Variants in SGPL1 observed in about 807,000 individuals in gnomAD.
The protein encoded by SGPL1 is sphingosine-1-phosphate lyase 1.
In SGPL1, 37 loss-of-function variants were observed where a neutral mutation model predicts 68.9. The ratio of observed to expected loss-of-function variants is 0.54; its 90% CI spans 0.41 to 0.71. The LOEUF (loss-of-function observed/expected upper bound fraction) is 0.71, where lower values mean the gene tolerates loss of function less well. Ranked by LOEUF, SGPL1 falls within the 30% of genes least tolerant of loss-of-function variation. SGPL1 has a pLI of 0.00. For missense variants in SGPL1, 551 were observed against 704.6 expected (o/e 0.78, Z 2.47); for synonymous variants, 236 against 248.5 (o/e 0.95, Z 0.47).
intron 2 of SGPL1, among the ~76,000 whole-genome samples, chr10:70,832,115 C>A (rs1845550545): frequency 6.6e-6 from 1 of 152,168 alleles, no homozygotes; most frequent in Non-Finnish European, 1.5e-5. Flanking sequence ...TGCTCACTTT[C>A]AATAGATACC....
At chr10:70,843,106 C>T (rs1388206460) in intron 2 of SGPL1, among the ~76,000 whole-genome samples, 2 of 152,170 alleles carry the variant, frequency 1.3e-5, no homozygotes, top group African/African-American at 4.8e-5. Flanking sequence ...TTTCTTTCAT[C>T]CTTTTAACCA....
In SGPL1 at chr10:70,868,357, G is replaced by T; in HGVS notation, c.628G>T (p.Gly210Ter). The change falls in exon 8 of 15, where the codon GGA becomes TGA. Residue 210 changes from glycine to a stop codon, truncating the protein, a stop_gained. Coordinates refer to ENST00000373202, the MANE Select transcript of SGPL1 (RefSeq NM_003901.4). LOFTEE classifies it high-confidence loss of function. ...PDSCGCVTSG[G>*]TESILMACKA... The stretch of plus-strand genomic sequence containing the variant: ...TTCTTTATTATAGGTGACTTCTGGG[G>T]GAACAGAAAGCATACTGATGGCCTG... 1 of 1,611,542 alleles carries T rather than the reference G, an allele frequency of 6.2e-7. No individual in the cohort carries two copies. Among genetic ancestry groups the T allele is most frequent in the Non-Finnish European group, 8.5e-7 (1 of 1,178,736 alleles).
At chr10:70,835,523 G>GT (rs377561702) in intron 2 of SGPL1, among the ~76,000 whole-genome samples, 10,593 of 151,946 alleles carry the variant, frequency 0.07, 485 homozygotes, top group African/African-American at 0.1. Flanking sequence ...GGATCACGAG[G>GT]CAGGAGATCG....
intron 2 of SGPL1, among the ~76,000 whole-genome samples, chr10:70,844,251 A>G (rs909623862): frequency 4.6e-5 from 7 of 152,172 alleles, no homozygotes; most frequent in Non-Finnish European, 1.0e-4. Context: ...CAAGATTGAA[A>G]ATAGTCTCAA....
intron 2 of SGPL1, among the ~76,000 whole-genome samples, chr10:70,825,892 A>C (rs2131852946): frequency 6.6e-6 from 1 of 152,350 alleles, no homozygotes; most frequent in African/African-American, 2.4e-5. Flanking sequence ...TTTCTTTAAG[A>C]GAAAACTGGC....
chr10:70,837,137 G>C (rs1181854015), intron 2 of SGPL1, among the ~76,000 whole-genome samples: 1 of 151,562 alleles, frequency 6.6e-6, no homozygotes, highest in South Asian at 2.1e-4. Context: ...GAGTACAGTG[G>C]TACGATCTTG....
intron 2 of SGPL1, among the ~76,000 whole-genome samples, chr10:70,843,491 A>T (rs1268802715): frequency 1.3e-5 from 2 of 152,242 alleles, no homozygotes; most frequent in African/African-American, 4.8e-5. Flanking sequence ...GTCTGTCTTC[A>T]AGAACTTAAC....
rs1292430846 is a variant in SGPL1, at chr10:70,876,531, T to C, written c.1446-10T>C. 1 of 1,606,930 alleles carries C rather than the reference T, an allele frequency of 6.2e-7. No homozygotes were observed. The highest frequency in any genetic ancestry group is 8.5e-7 in the Non-Finnish European group (1 of 1,177,796). ...TCAAGGTTCATCTCTCTCTGTCTCTTCTTTCCTAGTATTCATTTCTGCATC... is the reference window on the plus strand; with the variant it reads ...TCAAGGTTCATCTCTCTCTGTCTCTCCTTTCCTAGTATTCATTTCTGCATC... On this transcript the variant is annotated splice_polypyrimidine_tract_variant and intron_variant, in intron 13 of 14. Coordinates refer to ENST00000373202, the MANE Select transcript of SGPL1 (RefSeq NM_003901.4).
intron 6 of SGPL1, 74 bp from the exon 7 acceptor site, chr10:70,859,294 CTGT>C (rs1052610971): frequency 1.8e-6 from 2 of 1,106,998 alleles, no homozygotes; most frequent in African/African-American, 3.3e-5. Context: ...TACTTAGAAA[CTGT>C]TGTTTAGTGC....
Sources: gnomAD v4.1 joint callset for allele counts (sites outside exome capture counted in the v4.1 genomes callset) on GRCh38, gnomAD v4.1.1 for gene constraint, MANE v1.5 for transcripts, NCBI Gene and HGNC (gene_info 2026-07-23, HGNC 2026-07-21) for gene names.